DNAAF9: variants seen among roughly 807,000 people sequenced by gnomAD.
The protein encoded by DNAAF9 is dynein axonemal assembly factor 9, also known as shulin.
DNAAF9 carries 90 observed loss-of-function variants against 167.0 expected under a neutral mutation model. The ratio of observed to expected loss-of-function variants is 0.54; its 90% CI spans 0.45 to 0.64. The LOEUF (loss-of-function observed/expected upper bound fraction) is 0.64. Ranked by LOEUF, DNAAF9 falls within the 30% of genes least tolerant of loss-of-function variation. The pLI, the probability that DNAAF9 is intolerant of heterozygous loss-of-function variation, is 0.00. For missense variants in DNAAF9, 1,315 were observed against 1,442.2 expected (o/e 0.91, Z 1.43); for synonymous variants, 491 against 508.8 (o/e 0.96, Z 0.47).
rs148216037 is a variant in DNAAF9 at position 3,307,203 on chromosome 20, G to C, written c.1679-2660C>G. On this transcript the variant is annotated intron_variant, in intron 20 of 36. Transcript: ENST00000252032. ...GACTCTGAAGCCTCAAAACAAAATG[G>C]AAAAGAGGAAGACAAATTCACAAGA... The C allele has an allele frequency of 1.9e-5, 18 of 966,586 alleles. No individual in the cohort carries two copies. In the East Asian group the frequency reaches 5.7e-4, roughly 31 times the overall value. 59.9% of individuals were successfully genotyped at this position (966,586 alleles called of 1,614,324 possible). A position where few individuals can be genotyped will look rare whatever the true frequency, so the allele number is the denominator to read the frequency against.
At chr20:3,332,475 A>G (rs1269979978) in intron 10 of DNAAF9, 114 bp from the exon 11 acceptor site, 4 of 556,340 alleles carry the variant, frequency 7.2e-6, no homozygotes, top group Non-Finnish European at 1.3e-5. Flanking sequence ...TTTTTTTGAG[A>G]CAGAGTCTTA....
intron 28 of DNAAF9, 79 bp downstream of exon 28, chr20:3,281,562 A>G: frequency 7.3e-7 from 1 of 1,376,790 alleles, no homozygotes; most frequent in Non-Finnish European, 9.9e-7. Flanking sequence ...TGACTAATGC[A>G]TTCCAAAAGA....
chr20:3,374,194 C>G, intron 5 of DNAAF9, 40 bp from the exon 6 acceptor site: 1 of 1,380,804 alleles, frequency 7.2e-7, no homozygotes, highest in Non-Finnish European at 1.0e-6. Flanking sequence ...CAGATACCAT[C>G]CTGAATATAA....
intron 29 of DNAAF9, among the ~76,000 whole-genome samples, chr20:3,274,021 T>G (rs2068636953): frequency 6.6e-6 from 1 of 152,152 alleles, no homozygotes; most frequent in Non-Finnish European, 1.5e-5. Context: ...TAACATTTTA[T>G]CATCCTAGTC....
chr20:3,297,051 G>A (rs1036162623), intron 22 of DNAAF9, 102 bp from the exon 23 acceptor site: 2 of 704,780 alleles, frequency 2.8e-6, no homozygotes, highest in Non-Finnish European at 5.0e-6. Flanking sequence ...GACTGTCACT[G>A]CAGAGAAAAT....
chr20:3,339,182 C>CTCT (rs2070029489), intron 10 of DNAAF9, among the ~76,000 whole-genome samples: 1 of 152,226 alleles, frequency 6.6e-6, no homozygotes, highest in Admixed American at 6.5e-5. Context: ...CACTATTCAT[C>CTCT]TCTTCTTACA....
chr20:3,277,561 C>A (rs2068694513), intron 29 of DNAAF9, among the ~76,000 whole-genome samples: 1 of 152,032 alleles, frequency 6.6e-6, no homozygotes, highest in Admixed American at 6.6e-5. Flanking sequence ...GTACCACCAA[C>A]CTTCCTAATC....
intron 8 of DNAAF9, among the ~76,000 whole-genome samples, chr20:3,344,890 G>A (rs2070164146): frequency 6.6e-6 from 1 of 152,036 alleles, no homozygotes; most frequent in Admixed American, 6.6e-5. Context: ...ATTGTTTGTT[G>A]TCTTCTTTTA....
chr20:3,376,173 C>T lies in DNAAF9; in HGVS notation c.408+5G>A. On this transcript the variant is annotated splice_donor_5th_base_variant and intron_variant, in intron 4 of 36. Transcript: ENST00000252032. ...CTAGGTGCCTGTCTTCTCTTTTCTTCTTACCTCATTTTCGGTCATGCAGTG... is the reference window on the plus strand; with the variant it reads ...CTAGGTGCCTGTCTTCTCTTTTCTTTTTACCTCATTTTCGGTCATGCAGTG... 6.2e-7 allele frequency: 1 copy of T among 1,611,946 alleles called. No homozygotes were observed. Among genetic ancestry groups the T allele is most frequent in the Non-Finnish European group, 8.5e-7 (1 of 1,179,336 alleles).
intron 12 of DNAAF9, among the ~76,000 whole-genome samples, chr20:3,327,086 C>G (rs1019075829): frequency 1.3e-5 from 2 of 152,114 alleles, no homozygotes; most frequent in East Asian, 3.9e-4. Flanking sequence ...AGAGAGATGA[C>G]CAGACTGAGG....
intron 27 of DNAAF9, among the ~76,000 whole-genome samples, chr20:3,283,487 T>C (rs1651351224): frequency 6.6e-6 from 1 of 152,232 alleles, no homozygotes; most frequent in Non-Finnish European, 1.5e-5. Context: ...CAGCCTTCTC[T>C]TCTTCAGGGA....
At chr20:3,314,468 C>G (rs969933659) in intron 20 of DNAAF9, among the ~76,000 whole-genome samples, 2 of 152,128 alleles carry the variant, frequency 1.3e-5, no homozygotes, top group African/African-American at 4.8e-5. Flanking sequence ...GAGAGGATCC[C>G]TGTCTGACAG....
chr20:3,281,809 T>C, intron 27 of DNAAF9, 43 bp from the exon 28 acceptor site: 4 of 1,582,624 alleles, frequency 2.5e-6, no homozygotes, highest in Non-Finnish European at 3.4e-6. Flanking sequence ...CTGACTGGCA[T>C]TGCAAAGTGG....
chr20:3,284,828 A>T (rs190658053), intron 27 of DNAAF9, among the ~76,000 whole-genome samples: 74 of 152,264 alleles, frequency 4.9e-4, no homozygotes, highest in Admixed American at 2.0e-3. Flanking sequence ...TTAATTTTTT[A>T]AAATTCAGAT....
intron 14 of DNAAF9, among the ~76,000 whole-genome samples, chr20:3,323,422 C>T (rs901522460): frequency 6.6e-6 from 1 of 151,624 alleles, no homozygotes; most frequent in African/African-American, 2.4e-5. Flanking sequence ...GCTGGGACTA[C>T]AGGTGTGTAC....
chr20:3,331,769 G>A lies in DNAAF9; in HGVS notation c.1063+511C>T, dbSNP rs569458963. On this transcript the variant is annotated intron_variant, in intron 11 of 36. Transcript: ENST00000252032. Reference sequence around the variant, plus strand: ...GCTCACTGCAACCTCCACCTCCCAAGTTCAAGCGATTATGGTGTCTCAGCC... The same window carrying A: ...GCTCACTGCAACCTCCACCTCCCAAATTCAAGCGATTATGGTGTCTCAGCC... Among the ~76,000 whole-genome samples, 3 of 152,288 alleles carry A rather than the reference G, an allele frequency of 2.0e-5. No individual in the cohort carries two copies. In the South Asian group the frequency reaches 6.2e-4, roughly 32 times the overall value.
At chr20:3,357,341 C>T (rs1021773600) in intron 7 of DNAAF9, among the ~76,000 whole-genome samples, 18 of 152,212 alleles carry the variant, frequency 1.2e-4, no homozygotes, top group African/African-American at 2.2e-4. Context: ...CGTGGTGGCA[C>T]GCGCCTGTAA....
chr20:3,265,199 G>A (rs2068466519), intron 30 of DNAAF9, among the ~76,000 whole-genome samples: 2 of 152,108 alleles, frequency 1.3e-5, no homozygotes, highest in African/African-American at 4.8e-5. Context: ...CCACAAAGCT[G>A]GAGAAGCATG....
chr20:3,340,433 T>TCACCCCCCCCCCCCCCC, intron 10 of DNAAF9, 71 bp downstream of exon 10: 1 of 221,214 alleles, frequency 4.5e-6, no homozygotes, highest in African/African-American at 2.5e-5. Context: ...TTTGTCTAGC[T>TCACCCCCCCCCCCCCCC]CCCCCCACCC....
Sources: allele counts gnomAD v4.1 joint callset (sites outside exome capture counted in the v4.1 genomes callset), GRCh38; gene constraint gnomAD v4.1.1; transcripts MANE v1.5; gene names NCBI Gene and HGNC (gene_info 2026-07-23, HGNC 2026-07-21).